The following BCL2L11 variants were observed in gnomAD, a reference collection of about 807,000 sequenced individuals.
BCL2L11 encodes the protein BCL2 like 11, also known as bcl-2-like protein 11.
A neutral mutation model predicts 20.6 loss-of-function variants in BCL2L11; 15 were observed. The observed-to-expected ratio is 0.73, with a 90% CI of 0.49 to 1.12. BCL2L11 has a LOEUF of 1.12. BCL2L11 is among the 50% of genes most tolerant of loss of function. The pLI, the probability that BCL2L11 is intolerant of heterozygous loss-of-function variation, is 0.00. For missense variants in BCL2L11, 292 were observed against 260.9 expected (o/e 1.12, Z -0.82); for synonymous variants, 108 against 92.8 (o/e 1.16, Z -0.94).
At position 111,164,575 on chromosome 2, in the gene BCL2L11, A is replaced by G. The variant is rs563321558; in HGVS notation, c.*344A>G. 3.3e-5 allele frequency: 6 copies of G among 179,166 alleles called. No homozygotes were observed. Among genetic ancestry groups the G allele is most frequent in the South Asian group, 3.5e-4 (2 of 5,722 alleles). The allele number at this position is 179,166 out of a possible 1,614,324, so 11.1% of individuals were successfully genotyped here. A position where few individuals can be genotyped will look rare whatever the true frequency, so the allele number is the denominator to read the frequency against. On this transcript the variant is annotated 3_prime_UTR_variant, in exon 4 of 4. Transcript: ENST00000393256. ...TTCAATAAGGTTTTTCAAAAAGGAAATGGAAACTTTTTAACCAATTTGTGA... is the reference window on the plus strand; with the variant it reads ...TTCAATAAGGTTTTTCAAAAAGGAAGTGGAAACTTTTTAACCAATTTGTGA...
intron 2 of BCL2L11, chr2:111,142,200 A>C: frequency 1.2e-6 from 1 of 855,660 alleles, no homozygotes; most frequent in South Asian, 1.5e-5. Context: ...CTTAACTTGC[A>C]CTTGTGCTAA....
chr2:111,146,177 G>A, intron 2 of BCL2L11: 1 of 985,200 alleles, frequency 1.0e-6, no homozygotes, highest in Non-Finnish European at 1.2e-6. Flanking sequence ...CAGCTCATCA[G>A]AATTTCCCCT....
intron 2 of BCL2L11, among the ~76,000 whole-genome samples, chr2:111,147,796 G>T (rs1308321910): frequency 6.6e-6 from 1 of 152,190 alleles, no homozygotes; most frequent in Non-Finnish European, 1.5e-5. Context: ...TTGACAGGGG[G>T]AATTATTTTT....
chr2:111,144,397 T>C (rs1240262444), intron 2 of BCL2L11: 1 of 1,386,932 alleles, frequency 7.2e-7, no homozygotes, highest in Non-Finnish European at 1.0e-6. Flanking sequence ...TTATTTTATT[T>C]CTGAGAACCG....
intron 3 of BCL2L11, among the ~76,000 whole-genome samples, chr2:111,153,386 A>G (rs972790241): frequency 1.1e-4 from 17 of 152,140 alleles, no homozygotes; most frequent in Non-Finnish European, 2.5e-4. Context: ...AAAAAAAAAA[A>G]TAGTTCAAAA....
intron 3 of BCL2L11, among the ~76,000 whole-genome samples, chr2:111,153,581 A>G (rs950777520): frequency 6.6e-6 from 1 of 152,214 alleles, no homozygotes; most frequent in Non-Finnish European, 1.5e-5. Context: ...AATTCAAATT[A>G]CCTGCTGTCT....
chr2:111,137,082 T>G (rs2075026064), intron 2 of BCL2L11, among the ~76,000 whole-genome samples: 2 of 152,192 alleles, frequency 1.3e-5, no homozygotes, highest in South Asian at 4.1e-4. Flanking sequence ...CAATTCCGAT[T>G]TTATATGCCT....
intron 2 of BCL2L11, chr2:111,131,879 T>C (rs915279020): frequency 3.3e-5 from 5 of 152,186 alleles, no homozygotes; most frequent in Admixed American, 6.5e-5. Context: ...TCAGGATTTA[T>C]GGAAAGATAA....
intron 2 of BCL2L11, among the ~76,000 whole-genome samples, chr2:111,132,831 CT>C (rs1250992716): frequency 6.6e-6 from 1 of 152,174 alleles, no homozygotes; most frequent in African/African-American, 2.4e-5. Context: ...TGTAAGGGAA[CT>C]GTGTAGACAA....
chr2:111,123,231 T>G, intron 1 of BCL2L11: 1 of 985,490 alleles, frequency 1.0e-6, no homozygotes, highest in Non-Finnish European at 1.2e-6. Context: ...TTACTACGAC[T>G]GACGGCCGCT....
At chr2:111,138,799 C>T (rs777499236) in intron 2 of BCL2L11, among the ~76,000 whole-genome samples, 7 of 152,200 alleles carry the variant, frequency 4.6e-5, no homozygotes, top group African/African-American at 9.6e-5. Flanking sequence ...GGAACCTGGG[C>T]GGAGCAGTGA....
chr2:111,157,414 C>T lies in BCL2L11; in HGVS notation c.499-6719C>T, dbSNP rs114497318. Reference sequence around the variant, plus strand: ...TTTTAGTTGTGGTTAAACTATGTTACGTCTCACTTAGCTTTTTTCTGAGGC... The same window carrying T: ...TTTTAGTTGTGGTTAAACTATGTTATGTCTCACTTAGCTTTTTTCTGAGGC... On this transcript the variant is annotated intron_variant, in intron 3 of 3. Transcript: ENST00000393256. 2.4e-3 allele frequency among the ~76,000 whole-genome samples: 358 copies of T among 152,306 alleles called. 3 individuals are homozygous for T. Among genetic ancestry groups the T allele is most frequent in the African/African-American group, 8.2e-3 (339 of 41,562 alleles).
chr2:111,157,901 G>A (rs558827915), intron 3 of BCL2L11, among the ~76,000 whole-genome samples: 88 of 152,290 alleles, frequency 5.8e-4, no homozygotes, highest in Non-Finnish European at 9.9e-4. Context: ...TTGGGGTGAA[G>A]GTACCATGCA....
rs2078959980 is a variant in BCL2L11, at chr2:111,165,044, G to A, written c.*813G>A. ...TATTTTCATGATAAAGTGAAATTGA[G>A]TCAGAACAAGAGTTAATATCTGCCT... On this transcript the variant is annotated 3_prime_UTR_variant, in exon 4 of 4. Transcript: ENST00000393256. 6.6e-6 allele frequency: 1 copy of A among 152,206 alleles called. No individual in the cohort carries two copies. Among genetic ancestry groups the A allele is most frequent in the African/African-American group, 2.4e-5 (1 of 41,456 alleles). The allele number at this position is 152,206 out of a possible 1,614,324, so 9.4% of individuals were successfully genotyped here.
At chr2:111,155,451 T>G (rs1266240512) in intron 3 of BCL2L11, among the ~76,000 whole-genome samples, 1 of 152,186 alleles carries the variant, frequency 6.6e-6, no homozygotes, top group African/African-American at 2.4e-5. Context: ...GGATAGTGTC[T>G]ACTTGGGTGG....
chr2:111,123,111 C>G, intron 1 of BCL2L11: 1 of 980,872 alleles, frequency 1.0e-6, no homozygotes, highest in Non-Finnish European at 1.2e-6. Flanking sequence ...GAAGTTCTGT[C>G]TGATTCGGTG....
At chr2:111,135,344 A>G (rs376522056) in intron 2 of BCL2L11, among the ~76,000 whole-genome samples, 1 of 152,268 alleles carries the variant, frequency 6.6e-6, no homozygotes. Context: ...CTTTGCTGGT[A>G]CTTTCCAAAC....
chr2:111,145,997 G>T, intron 2 of BCL2L11: 5 of 981,410 alleles, frequency 5.1e-6, no homozygotes, highest in Non-Finnish European at 6.0e-6. Flanking sequence ...CTCTGCCTGA[G>T]TCTGCTACTT....
At chr2:111,147,155 C>G (rs897165309) in intron 2 of BCL2L11, among the ~76,000 whole-genome samples, 1 of 152,158 alleles carries the variant, frequency 6.6e-6, no homozygotes, top group South Asian at 2.1e-4. Flanking sequence ...TAAGCCTAGT[C>G]TCTAAACCAT....
Sources: allele counts gnomAD v4.1 joint callset (sites outside exome capture counted in the v4.1 genomes callset), GRCh38; gene constraint gnomAD v4.1.1; transcripts MANE v1.5; gene names NCBI Gene and HGNC (gene_info 2026-07-23, HGNC 2026-07-21).